MTM1: variants seen among roughly 807,000 people sequenced by gnomAD.
MTM1 encodes myotubularin.
In MTM1, 9 loss-of-function variants were observed where a neutral mutation model predicts 52.1. The ratio of observed to expected loss-of-function variants is 0.17; its 90% CI spans 0.10 to 0.30. The LOEUF (loss-of-function observed/expected upper bound fraction) is 0.30, where lower values mean the gene tolerates loss of function less well. MTM1 is among the 10% of genes least tolerant of loss of function. The pLI, the probability that MTM1 is intolerant of heterozygous loss-of-function variation, is 1.00. For synonymous variants in MTM1, 136 were observed against 163.8 expected (o/e 0.83, Z 1.29); for missense variants, 277 against 470.7 (o/e 0.59, Z 3.81).
intron 11 of MTM1, among the ~76,000 whole-genome samples, chrX:150,658,452 A>G (rs2040163579): frequency 8.9e-6 from 1 of 111,908 alleles, no homozygotes; most frequent in African/African-American, 3.2e-5. Flanking sequence ...TAGTTAATAT[A>G]TTTTTGAACA....
chrX:150,613,380 A>T (rs782006456), intron 4 of MTM1, among the ~76,000 whole-genome samples: 26 of 111,115 alleles, frequency 2.3e-4, no homozygotes, highest in Non-Finnish European at 3.8e-4. Context: ...TCCCACTTAA[A>T]CTTACTTTTC....
chrX:150,595,943 C>T (rs1414001746), intron 2 of MTM1, among the ~76,000 whole-genome samples: 3 of 112,108 alleles, frequency 2.7e-5, no homozygotes, highest in Non-Finnish European at 3.8e-5. Context: ...ACCACTCTTA[C>T]CTCTTATTAG....
intron 5 of MTM1, among the ~76,000 whole-genome samples, chrX:150,615,847 TTTTTTTTGGTGGTG>T (rs2039375378): frequency 9.0e-6 from 1 of 111,378 alleles, no homozygotes; most frequent in African/African-American, 3.3e-5. Flanking sequence ...CCACCTCAGC[TTTTTTTTGGTGGTG>T]TTTTAATTCG....
At chrX:150,581,631 T>C (rs1216393157) in intron 1 of MTM1, among the ~76,000 whole-genome samples, 2 of 111,048 alleles carry the variant, frequency 1.8e-5, no homozygotes, top group Admixed American at 1.9e-4. Context: ...TCCGAAAAGA[T>C]TTTTTTTATC....
At position 150,592,701 on chromosome X, in the gene MTM1, C is replaced by T. The variant is rs782210746; in HGVS notation, c.63+24C>T. ...GGGTAAGTTGAATTTTCAGATTTAT[C>T]TGTCTCTTTCCTTGCATTTATTTTG... On this transcript the variant is annotated intron_variant, in intron 2 of 14. Transcript: ENST00000370396. 6 of 992,306 alleles carry T rather than the reference C, an allele frequency of 6.0e-6. No individual in the cohort carries two copies. In the Admixed American group the frequency reaches 1.3e-4, roughly 22 times the overall value. The allele number at this position is 992,306 out of a possible 1,213,427, so 81.8% of individuals were successfully genotyped here.
chrX:150,655,338 A>T, intron 10 of MTM1, among the ~76,000 whole-genome samples: 1 of 110,164 alleles, frequency 9.1e-6, no homozygotes, highest in East Asian at 2.8e-4. Context: ...AAAAAAAAAA[A>T]AAAAATTAAA....
chrX:150,583,600 A>ATT (rs1273241746), intron 1 of MTM1, among the ~76,000 whole-genome samples: 1 of 32,945 alleles, frequency 3.0e-5, no homozygotes, highest in African/African-American at 1.5e-4. Context: ...ATTTATATAT[A>ATT]ATATATAATT....
chrX:150,611,765 G>A (rs1474179229), intron 4 of MTM1, among the ~76,000 whole-genome samples: 1 of 112,053 alleles, frequency 8.9e-6, no homozygotes, highest in African/African-American at 3.2e-5. Context: ...AAAAGAACTC[G>A]CTCGTGCTGC....
At chrX:150,636,796 C>T (rs1225323982) in intron 6 of MTM1, among the ~76,000 whole-genome samples, 3 of 112,060 alleles carry the variant, frequency 2.7e-5, no homozygotes, top group Non-Finnish European at 5.6e-5. Flanking sequence ...TACTGACCAG[C>T]GCAGTATCAG....
intron 1 of MTM1, among the ~76,000 whole-genome samples, chrX:150,569,047 G>A (rs1780596810): frequency 8.8e-6 from 1 of 113,629 alleles, no homozygotes; most frequent in African/African-American, 3.2e-5. Context: ...CTGCCTCCCC[G>A]GCGACGCTCC....
At chrX:150,651,821 G>T (rs2040025997) in intron 10 of MTM1, among the ~76,000 whole-genome samples, 1 of 111,260 alleles carries the variant, frequency 9.0e-6, no homozygotes, top group Non-Finnish European at 1.9e-5. Context: ...TTGTATTCAG[G>T]GCAGGAGGTG....
intron 11 of MTM1, among the ~76,000 whole-genome samples, chrX:150,658,810 T>G (rs73620670): frequency 0.033 from 3,721 of 112,040 alleles, 150 homozygotes; most frequent in African/African-American, 0.11. Context: ...TGAATAACAT[T>G]TTCAAGTAGA....
intron 14 of MTM1, among the ~76,000 whole-genome samples, chrX:150,665,282 A>G (rs970589062): frequency 2.6e-4 from 29 of 112,450 alleles, no homozygotes; most frequent in African/African-American, 9.1e-4. Context: ...CTCATGCGTC[A>G]GGCACTAGGG....
intron 4 of MTM1, among the ~76,000 whole-genome samples, chrX:150,613,143 A>C (rs1439994455): frequency 1.8e-5 from 2 of 110,463 alleles, no homozygotes; most frequent in Admixed American, 1.9e-4. Context: ...TCTTAAAAAA[A>C]AAAAAAAAGG....
chrX:150,635,317 AG>A (rs1557413687), intron 6 of MTM1, among the ~76,000 whole-genome samples: 1 of 112,395 alleles, frequency 8.9e-6, no homozygotes, highest in East Asian at 2.8e-4. Context: ...TGATGGTTAT[AG>A]TGGAAAATAC....
At position 150,641,362 on chromosome X, in the gene MTM1, G is replaced by A. The variant is rs782127637; in HGVS notation, c.622G>A (p.Ala208Thr). ...TGCTCTTTTGGTGGTTCCGTATCGTGCCTCAGATGATGACCTCCGGAGAGT... is the reference window on the plus strand; with the variant it reads ...TGCTCTTTTGGTGGTTCCGTATCGTACCTCAGATGATGACCTCCGGAGAGT... ...YPALLVVPYR[A>T]SDDDLRRVAT... The change falls in exon 8 of 15, where the codon GCC becomes ACC. Residue 208 changes from alanine (A) to threonine (T), a missense_variant. Physicochemically the swap from Ala to Thr is moderately conservative, Grantham distance 58. This residue lies in a region of MTM1 where 164 missense variants were observed against 283.3 expected (regional missense o/e 0.58). Transcript: ENST00000370396. The A allele has an allele frequency of 6.6e-6, 8 of 1,211,475 alleles. No individual in the cohort carries two copies. The highest frequency in any genetic ancestry group is 8.9e-6 in the Non-Finnish European group (8 of 895,334).
intron 4 of MTM1, among the ~76,000 whole-genome samples, chrX:150,606,797 CCCTT>C (rs2039165547): frequency 9.4e-6 from 1 of 106,887 alleles, no homozygotes; most frequent in Non-Finnish European, 1.9e-5. Context: ...CAACTTCCTT[CCCTT>C]CCTTCCTTCC....
intron 10 of MTM1, among the ~76,000 whole-genome samples, chrX:150,650,913 C>T (rs902680636): frequency 1.8e-5 from 2 of 111,582 alleles, no homozygotes; most frequent in Non-Finnish European, 3.8e-5. Flanking sequence ...TACAGAAATC[C>T]TTACTCTTCC....
At chrX:150,631,667 C>CAAAA (rs34042424) in intron 6 of MTM1, among the ~76,000 whole-genome samples, 17 of 35,443 alleles carry the variant, frequency 4.8e-4, no homozygotes, top group Admixed American at 9.8e-4. Flanking sequence ...ACTCCATCTC[C>CAAAA]AAAAAAAAAA....
Sources: gnomAD v4.1 joint callset for allele counts (sites outside exome capture counted in the v4.1 genomes callset) on GRCh38, gnomAD v4.1.1 for gene constraint, gnomAD v4.1.1 regional missense constraint, MANE v1.5 for transcripts, NCBI Gene and HGNC (gene_info 2026-07-23, HGNC 2026-07-21) for gene names.